PHTF2: variants seen among roughly 807,000 people sequenced by gnomAD.
PHTF2 encodes the protein putative homeodomain transcription factor 2, also known as protein PHTF2.
Under a neutral mutation model 101.2 loss-of-function variants are expected in PHTF2, and 60 were observed. The observed-to-expected ratio is 0.59, with a 90% CI of 0.48 to 0.73. The LOEUF is 0.73. Among genes scored for constraint, PHTF2 ranks in the 30% least tolerant of loss-of-function variants. The pLI is 0.00. For missense variants in PHTF2, 747 were observed against 908.7 expected, an observed-to-expected ratio of 0.82 and a Z score of 2.29; for synonymous variants, 311 against 307.3, an observed-to-expected ratio of 1.01 and a Z score of -0.13.
chr7:77,805,516 T>C (rs1168987096), intron 1 of PHTF2, among the ~76,000 whole-genome samples: 1 of 152,248 alleles, frequency 6.6e-6, no homozygotes, highest in South Asian at 2.1e-4. Flanking sequence ...TTGAAACATT[T>C]ATTCTTCTGG....
At chr7:77,822,928 G>A (rs1370782909) in intron 1 of PHTF2, among the ~76,000 whole-genome samples, 10 of 147,092 alleles carry the variant, frequency 6.8e-5, no homozygotes, top group South Asian at 2.1e-4. Context: ...TTTTTGAGAC[G>A]GAGTCTCGCT....
chr7:77,906,513 T>C (rs971522655), intron 7 of PHTF2: 2 of 152,208 alleles, frequency 1.3e-5, no homozygotes, highest in African/African-American at 4.8e-5. Flanking sequence ...AATAACTTCC[T>C]GTTAAGATAT....
chr7:77,951,574 G>A (rs577370151), intron 17 of PHTF2, 43 bp from the exon 17 acceptor site: 35 of 815,598 alleles, frequency 4.3e-5, no homozygotes, highest in South Asian at 3.6e-4. Context: ...TTAAAAATGT[G>A]TATTTATTAT....
intron 12 of PHTF2, among the ~76,000 whole-genome samples, 199 bp downstream of exon 11, chr7:77,929,526 A>G (rs1181147778): frequency 2.0e-5 from 3 of 152,212 alleles, no homozygotes; most frequent in Non-Finnish European, 4.4e-5. Flanking sequence ...ATGTTCCTGA[A>G]AAGTTATTGG....
intron 7 of PHTF2, among the ~76,000 whole-genome samples, chr7:77,903,992 C>A (rs1462375080): frequency 1.3e-5 from 2 of 152,136 alleles, no homozygotes; most frequent in Non-Finnish European, 2.9e-5. Context: ...GCTCTATCCC[C>A]ATTTCTGCAT....
At chr7:77,863,563 G>A (rs1401600733) in intron 3 of PHTF2, among the ~76,000 whole-genome samples, 1 of 151,812 alleles carries the variant, frequency 6.6e-6, no homozygotes. Context: ...TTGATTTTTA[G>A]GATTAAAGAT....
chr7:77,883,268 T>C (rs566782372), intron 3 of PHTF2, among the ~76,000 whole-genome samples: 1 of 152,296 alleles, frequency 6.6e-6, no homozygotes, highest in South Asian at 2.1e-4. Flanking sequence ...GGATGAGATT[T>C]GTCTGAAGGT....
chr7:77,881,011 C>A (rs1387307296), intron 3 of PHTF2, among the ~76,000 whole-genome samples: 1 of 152,116 alleles, frequency 6.6e-6, no homozygotes, highest in Non-Finnish European at 1.5e-5. Flanking sequence ...ATCACTCTCT[C>A]TAGTGGACAA....
chr7:77,930,682 G>A (rs530188252), intron 12 of PHTF2, among the ~76,000 whole-genome samples: 3 of 152,302 alleles, frequency 2.0e-5, no homozygotes, highest in South Asian at 4.2e-4. Context: ...CTGAGGCCTG[G>A]AAGTCCAAGA....
At chr7:77,811,662 T>C (rs1181373047) in intron 1 of PHTF2, among the ~76,000 whole-genome samples, 2 of 152,224 alleles carry the variant, frequency 1.3e-5, no homozygotes, top group Non-Finnish European at 2.9e-5. Flanking sequence ...TATGATTCTT[T>C]GAGCATTTTC....
rs140792568 is a variant in PHTF2, at chr7:77,820,188, T to G, written c.-35-20033T>G. The stretch of plus-strand genomic sequence containing the variant: ...ACAGGCGTGAGCCACCGCACCCGGC[T>G]TGGGAGACATTTTATTACTGATTCA... On this transcript the variant is annotated intron_variant, in intron 1 of 19. Transcript: ENST00000416283. Among the ~76,000 whole-genome samples the G allele has an allele frequency of 5.6e-3, 859 of 152,168 alleles. 4 individuals carry two copies. Among genetic ancestry groups the G allele is most frequent in the African/African-American group, 0.02 (816 of 41,538 alleles).
At chr7:77,832,882 C>T (rs1466174987) in intron 1 of PHTF2, among the ~76,000 whole-genome samples, 1 of 152,048 alleles carries the variant, frequency 6.6e-6, no homozygotes, top group Non-Finnish European at 1.5e-5. Context: ...AAACCATCCC[C>T]CCTACCCTGG....
At chr7:77,819,329 A>G (rs1230782558) in intron 1 of PHTF2, among the ~76,000 whole-genome samples, 2 of 152,190 alleles carry the variant, frequency 1.3e-5, no homozygotes, top group African/African-American at 2.4e-5. Flanking sequence ...CAGAGGAAAC[A>G]CTTTTGGCTT....
chr7:77,800,681 A>G (rs1792466567), intron 1 of PHTF2, among the ~76,000 whole-genome samples: 1 of 152,250 alleles, frequency 6.6e-6, no homozygotes, highest in Non-Finnish European at 1.5e-5. Flanking sequence ...TGCAAGGAAT[A>G]TGTAATGAAA....
intron 1 of PHTF2, among the ~76,000 whole-genome samples, chr7:77,822,994 T>C (rs1252602315): frequency 7.0e-6 from 1 of 143,406 alleles, no homozygotes; most frequent in Non-Finnish European, 1.5e-5. Context: ...AAGCTCCGCC[T>C]CCCGGGTTCA....
intron 11 of PHTF2, among the ~76,000 whole-genome samples, chr7:77,926,774 G>A (rs544839819): frequency 1.3e-5 from 2 of 150,824 alleles, no homozygotes; most frequent in East Asian, 3.9e-4. Flanking sequence ...TTAGAGACCC[G>A]CCTGTGCAAC....
chr7:77,814,137 C>G (rs1360581015), intron 1 of PHTF2, among the ~76,000 whole-genome samples: 3 of 152,092 alleles, frequency 2.0e-5, no homozygotes, highest in Admixed American at 2.0e-4. Context: ...AATTGCAAGC[C>G]CAGGCTGTAA....
intron 1 of PHTF2, among the ~76,000 whole-genome samples, chr7:77,806,983 T>C (rs932767536): frequency 1.3e-5 from 2 of 152,204 alleles, no homozygotes; most frequent in South Asian, 2.1e-4. Flanking sequence ...TGTTGATCTT[T>C]TGGCTTTAGT....
intron 16 of PHTF2, among the ~76,000 whole-genome samples, chr7:77,943,154 C>G (rs1028170512): frequency 5.3e-5 from 8 of 152,156 alleles, no homozygotes; most frequent in African/African-American, 7.2e-5. Context: ...TGGAGTCTCG[C>G]TCTGTCGCGC....
Sources: allele counts gnomAD v4.1 joint callset (sites outside exome capture counted in the v4.1 genomes callset), GRCh38; gene constraint gnomAD v4.1.1; transcripts MANE v1.5; gene names NCBI Gene and HGNC (gene_info 2026-07-23, HGNC 2026-07-21).